The following TTC3 variants were observed in gnomAD, a reference collection of about 807,000 sequenced individuals.
TTC3 encodes the protein tetratricopeptide repeat domain 3.
Under a neutral mutation model 249.6 loss-of-function variants are expected in TTC3, and 180 were observed. The ratio of observed to expected loss-of-function variants is 0.72; its 90% CI spans 0.64 to 0.82. The LOEUF (loss-of-function observed/expected upper bound fraction) is 0.82. TTC3 is among the 40% of genes least tolerant of loss of function. TTC3 has a pLI of 0.00. For synonymous variants in TTC3, 717 were observed against 805.0 expected (o/e 0.89, Z 1.85); for missense variants, 2,061 against 2,398.4 (o/e 0.86, Z 2.94).
At chr21:37,199,126 T>C (rs1405210594) in intron 44 of TTC3, among the ~76,000 whole-genome samples, 6 of 152,278 alleles carry the variant, frequency 3.9e-5, no homozygotes, top group African/African-American at 1.4e-4. Flanking sequence ...GGCCGAGTCA[T>C]GCCTTGGGAG....
Position 37,073,476 on chromosome 21 carries a change from G to A in TTC3, c.-12+112G>A. 2.0e-6 allele frequency: 2 copies of A among 985,724 alleles called. No individual in the cohort carries two copies. Among genetic ancestry groups the A allele is most frequent in the East Asian group, 1.1e-4 (1 of 8,812 alleles). 61.1% of individuals were successfully genotyped at this position (985,724 alleles called of 1,614,324 possible). On this transcript the variant is annotated intron_variant, in intron 1 of 45. Transcript: ENST00000355666. ...CACACCCCCTCCGTGGGTGTGTGGT[G>A]AGTGTGGGTGTGTGCGCGTCTCCTC...
intron 10 of TTC3, chr21:37,108,098 G>C (rs974643347): frequency 4.7e-6 from 1 of 213,246 alleles, no homozygotes; most frequent in African/African-American, 2.3e-5. Context: ...AAAAACAAAA[G>C]AATGCTATGC....
chr21:37,160,305 A>G (rs2080583561), intron 29 of TTC3, among the ~76,000 whole-genome samples: 1 of 152,222 alleles, frequency 6.6e-6, no homozygotes, highest in Admixed American at 6.5e-5. Flanking sequence ...GGAGCAAATC[A>G]TCTATCTATA....
intron 41 of TTC3, chr21:37,193,910 G>A (rs943676610): frequency 6.6e-6 from 1 of 152,210 alleles, no homozygotes. Context: ...ATTCCCAGTT[G>A]GAAGTCTCCC....
chr21:37,201,577 A>G, exon 46 of TTC3: 5 of 1,612,760 alleles, frequency 3.1e-6, no homozygotes, highest in Non-Finnish European at 4.2e-6. Flanking sequence ...CTAGGTAGTC[A>G]CACTTCACTA....
intron 4 of TTC3, 142 bp downstream of exon 4, chr21:37,088,488 T>C (rs1218121164): frequency 2.9e-6 from 3 of 1,051,302 alleles, no homozygotes; most frequent in Non-Finnish European, 4.1e-6. Flanking sequence ...AAAAAACAAA[T>C]ACTTGAGATT....
intron 35 of TTC3, among the ~76,000 whole-genome samples, chr21:37,181,208 T>C (rs1292462909): frequency 6.6e-6 from 1 of 152,250 alleles, no homozygotes; most frequent in Non-Finnish European, 1.5e-5. Flanking sequence ...TGTGTATGTA[T>C]GTGCACATAT....
At chr21:37,088,882 T>C (rs2072876272) in exon 5 of TTC3, 2 of 1,613,498 alleles carry the variant, frequency 1.2e-6, no homozygotes, top group South Asian at 1.1e-5. Flanking sequence ...GCAAAGAAAG[T>C]TGCTGTAAGT....
intron 13 of TTC3, among the ~76,000 whole-genome samples, chr21:37,123,502 C>T (rs1384169063): frequency 6.6e-6 from 1 of 152,208 alleles, no homozygotes; most frequent in Non-Finnish European, 1.5e-5. Context: ...AACAGATAGA[C>T]TTGAGTATGC....
rs771862199 is a variant in TTC3 at position 37,165,640 on chromosome 21, T to G, written c.3426T>G (p.Thr1142=). ...AATATGAGTTTTTCCCAGAAGAAACTCGACAGATACTAGAAAAAGCAGGAG... is the reference window on the plus strand; with the variant it reads ...AATATGAGTTTTTCCCAGAAGAAACGCGACAGATACTAGAAAAAGCAGGAG... The change falls in exon 33 of 46, where the codon ACT becomes ACG. Residue 1142 remains threonine, a synonymous_variant. Coordinates refer to ENST00000355666, the Ensembl canonical transcript of TTC3. 1.9e-6 allele frequency: 3 copies of G among 1,614,136 alleles called. No homozygotes were observed. In the Admixed American group the frequency reaches 5.0e-5, roughly 27 times the overall value.
rs192693945 is a variant in TTC3, at chr21:37,137,722, A to T, written c.1579-912A>T. 6.4e-3 allele frequency among the ~76,000 whole-genome samples: 973 copies of T among 152,314 alleles called. 14 individuals are homozygous for T. Among genetic ancestry groups the T allele is most frequent in the African/African-American group, 0.021 (877 of 41,572 alleles). On this transcript the variant is annotated intron_variant, in intron 18 of 45. Transcript: ENST00000355666. ...TTGAAAGAAGTTCTAGTGTGGGTAA[A>T]ATACTGTCAAACAGCATCACACATT...
At chr21:37,132,854 C>T in intron 17 of TTC3, 88 bp downstream of exon 17, 1 of 953,674 alleles carries the variant, frequency 1.0e-6, no homozygotes, top group Non-Finnish European at 1.5e-6. Context: ...ATGTACATCT[C>T]TAAGTTTTTT....
exon 42 of TTC3, chr21:37,195,715 G>T: frequency 6.2e-7 from 1 of 1,613,778 alleles, no homozygotes; most frequent in South Asian, 1.1e-5. Flanking sequence ...GGCGACGATG[G>T]CCAAGGGCTT....
At chr21:37,181,988 G>A (rs1023172811) in intron 35 of TTC3, among the ~76,000 whole-genome samples, 11 of 152,142 alleles carry the variant, frequency 7.2e-5, no homozygotes, top group Admixed American at 3.9e-4. Flanking sequence ...TCATTAAGCC[G>A]TCATTGATAA....
chr21:37,094,161 A>G (rs888549265), intron 8 of TTC3, 71 bp downstream of exon 8: 1 of 788,994 alleles, frequency 1.3e-6, no homozygotes, highest in East Asian at 3.0e-5. Context: ...GAGGAAGTTA[A>G]TAAAACTGCT....
At chr21:37,099,593 A>G (rs1340984493) in intron 10 of TTC3, among the ~76,000 whole-genome samples, 1 of 152,258 alleles carries the variant, frequency 6.6e-6, no homozygotes, top group Non-Finnish European at 1.5e-5. Context: ...TGTAGATTAA[A>G]AACTACGAGT....
chr21:37,171,794 C>T (rs1168934977), intron 34 of TTC3, among the ~76,000 whole-genome samples: 1 of 152,206 alleles, frequency 6.6e-6, no homozygotes, highest in African/African-American at 2.4e-5. Context: ...TCCAACTGAT[C>T]ATTCACAGAG....
At chr21:37,188,781 G>T in intron 39 of TTC3, 186 bp downstream of exon 39, 1 of 421,528 alleles carries the variant, frequency 2.4e-6, no homozygotes, top group South Asian at 5.7e-5. Flanking sequence ...AATTCTAAAT[G>T]GATAGATAAC....
chr21:37,202,375 T>G (rs1478982405), exon 46 of TTC3: 1 of 152,232 alleles, frequency 6.6e-6, no homozygotes, highest in Non-Finnish European at 1.5e-5. Context: ...TCCGCTGCCT[T>G]CCTTAGCAGC....
Sources: gnomAD v4.1 joint callset for allele counts (sites outside exome capture counted in the v4.1 genomes callset) on GRCh38, gnomAD v4.1.1 for gene constraint, MANE v1.5 for transcripts, NCBI Gene and HGNC (gene_info 2026-07-23, HGNC 2026-07-21) for gene names.